RUFY2: variants seen among roughly 807,000 people sequenced by gnomAD.
RUFY2 encodes the protein RUN and FYVE domain-containing protein 2.
RUFY2 carries 49 observed loss-of-function variants against 94.4 expected under a neutral mutation model. That is an observed-to-expected ratio of 0.52 (90% CI 0.41 to 0.66). RUFY2 has a LOEUF of 0.66. Among genes scored for constraint, RUFY2 ranks in the 30% least tolerant of loss-of-function variants. The pLI is 0.00. For synonymous variants in RUFY2, 255 were observed against 235.7 expected, an observed-to-expected ratio of 1.08 and a Z score of -0.75; for missense variants, 541 against 692.8, an observed-to-expected ratio of 0.78 and a Z score of 2.46.
rs1191638797 is a variant in RUFY2, at chr10:68,344,001, CATTTTTTGTTT to C, written c.*1756_*1766del. The C allele has an allele frequency of 6.6e-6, 1 of 152,020 alleles. No individual in the cohort carries two copies. Among genetic ancestry groups the C allele is most frequent in the Non-Finnish European group, 1.5e-5 (1 of 67,964 alleles). The allele number at this position is 152,020 out of a possible 1,614,324, so 9.4% of individuals were successfully genotyped here. A position where few individuals can be genotyped will look rare whatever the true frequency, so the allele number is the denominator to read the frequency against. ...AATAAAAAAGCATATTTGAAAATTT[CATTTTTTGTTT>C]ATTCAGTAATCATAAAAATGTTAGC... is the stretch of plus-strand genomic sequence containing the variant. On this transcript the variant is annotated 3_prime_UTR_variant, in exon 18 of 18. Coordinates refer to ENST00000602465, the MANE Select transcript of RUFY2 (RefSeq NM_001330103.2).
At chr10:68,387,636 G>A (rs1035144292) in intron 7 of RUFY2, among the ~76,000 whole-genome samples, 14 of 152,224 alleles carry the variant, frequency 9.2e-5, no homozygotes, top group Middle Eastern at 3.4e-3. Context: ...TGATGGTAAC[G>A]ACAGACAAAC....
intron 13 of RUFY2, among the ~76,000 whole-genome samples, chr10:68,374,627 C>G (rs909085130): frequency 6.6e-5 from 10 of 152,058 alleles, no homozygotes; most frequent in African/African-American, 2.2e-4. Context: ...AGAAAATCAC[C>G]AAGGACAGAG....
Position 68,364,015 on chromosome 10 carries a change from T to C in RUFY2, c.1424A>G (p.Asn475Ser). The C allele has an allele frequency of 6.2e-7, 1 of 1,607,734 alleles. No homozygotes were observed. Among genetic ancestry groups the C allele is most frequent in the Non-Finnish European group, 8.5e-7 (1 of 1,174,808 alleles). ...AAGACTAATGATTTGTTGAGTCTCA[T>C]TTCTAAGATGAGATAAGGCATCTTT... Reference protein sequence around the residue: ...KEKDALSHLRNETQQIISLKK... With the variant: ...KEKDALSHLRSETQQIISLKK... Residue 475 changes from asparagine (N) to serine (S), a missense_variant, in exon 14 of 18, where the codon AAT becomes AGT. Around this residue, in one of 3 missense-constraint regions of RUFY2, gnomAD observed 403 missense variants for 480.7 expected, o/e 0.84. Coordinates refer to ENST00000602465, the MANE Select transcript of RUFY2 (RefSeq NM_001330103.2).
chr10:68,358,904 C>T (rs569382160), intron 15 of RUFY2, among the ~76,000 whole-genome samples: 5 of 152,040 alleles, frequency 3.3e-5, no homozygotes, highest in East Asian at 1.9e-4. Flanking sequence ...GAGCAACACT[C>T]GGTCTTATGC....
intron 1 of RUFY2, among the ~76,000 whole-genome samples, chr10:68,406,469 A>G (rs1032770971): frequency 6.6e-6 from 1 of 152,198 alleles, no homozygotes; most frequent in Non-Finnish European, 1.5e-5. Flanking sequence ...CGACAACCAC[A>G]CAAAGGGTGT....
rs1347518711 is a variant in RUFY2 at position 68,351,126 on chromosome 10, T to A, written c.1599+4227A>T. 1.2e-3 allele frequency among the ~76,000 whole-genome samples: 127 copies of A among 102,226 alleles called. 1 individual carries two copies. The highest frequency in any genetic ancestry group is 3.7e-3 in the East Asian group (12 of 3,206). The allele number at this position is 102,226 out of a possible 152,430, so 67.1% of individuals were successfully genotyped here. On this transcript the variant is annotated intron_variant, in intron 16 of 17. Transcript: ENST00000602465. ...CAAATATCCATGTATCCATACATTTTTTTTTTTTTTTTTTTTTTTTTTTGA... is the reference window on the plus strand; with the variant it reads ...CAAATATCCATGTATCCATACATTTATTTTTTTTTTTTTTTTTTTTTTTGA...
intron 4 of RUFY2, among the ~76,000 whole-genome samples, chr10:68,396,126 G>T (rs933167445): frequency 2.6e-5 from 4 of 152,190 alleles, no homozygotes; most frequent in Admixed American, 2.6e-4. Context: ...AGCCTCCCAA[G>T]TAGCTGAGAT....
At chr10:68,341,204 C>T (rs1436176148), downstream of RUFY2, 1 of 1,588,090 alleles carries the variant, frequency 6.3e-7, no homozygotes, top group East Asian at 2.3e-5. Flanking sequence ...AATACGAGTT[C>T]ATATTGATAT....
chr10:68,405,016 T>C (rs2051157533), intron 1 of RUFY2, among the ~76,000 whole-genome samples, 172 bp from the exon 2 acceptor site: 1 of 152,054 alleles, frequency 6.6e-6, no homozygotes. Flanking sequence ...CTCTCACATA[T>C]ACTGTAAAAA....
At chr10:68,343,328 C>T (rs1028410418), downstream of RUFY2, 3 of 152,372 alleles carry the variant, frequency 2.0e-5, no homozygotes, top group African/African-American at 7.2e-5. Context: ...AGCCTCTTGA[C>T]TGAAGCTATG....
intron 7 of RUFY2, among the ~76,000 whole-genome samples, chr10:68,388,498 A>G (rs2049702307): frequency 6.6e-6 from 1 of 152,116 alleles, no homozygotes; most frequent in African/African-American, 2.4e-5. Context: ...TATGTTTTCT[A>G]TATTTTGAAA....
intron 16 of RUFY2, among the ~76,000 whole-genome samples, chr10:68,351,859 C>T (rs2046700295): frequency 6.6e-6 from 1 of 151,322 alleles, no homozygotes; most frequent in South Asian, 2.1e-4. Flanking sequence ...GAGTTCGAGA[C>T]CAGCTTTGCT....
intron 7 of RUFY2, among the ~76,000 whole-genome samples, chr10:68,389,129 G>A (rs909221651): frequency 2.6e-5 from 4 of 152,024 alleles, no homozygotes; most frequent in African/African-American, 4.8e-5. Flanking sequence ...TCAGACTGCT[G>A]AGCTCAAGTG....
At chr10:68,358,431 T>C (rs539373674) in intron 15 of RUFY2, among the ~76,000 whole-genome samples, 98 of 152,312 alleles carry the variant, frequency 6.4e-4, no homozygotes, top group African/African-American at 2.2e-3. Flanking sequence ...AAATAATCAA[T>C]GTAAAACTAC....
chr10:68,385,125 G>C (rs1003731732), intron 8 of RUFY2, among the ~76,000 whole-genome samples: 4 of 152,086 alleles, frequency 2.6e-5, no homozygotes, highest in African/African-American at 9.7e-5. Flanking sequence ...TTAGCCGGGC[G>C]TGGTGGTGCG....
In RUFY2 at chr10:68,389,516, G is replaced by A. The variant is rs1264677658; in HGVS notation, c.651-3388C>T. 2.0e-5 allele frequency among the ~76,000 whole-genome samples: 3 copies of A among 151,232 alleles called. No individual in the cohort carries two copies. The East Asian group carries it at 5.9e-4, about 30-fold the overall frequency. On this transcript the variant is annotated intron_variant, in intron 7 of 17. Transcript: ENST00000602465. ...GAGGCAGGAGAATCACTTGAAACTG[G>A]AAGGCGGAGGTTGCAGTGAGCCGAG...
intron 3 of RUFY2, among the ~76,000 whole-genome samples, chr10:68,400,545 A>AGG (rs2050746984): frequency 6.6e-6 from 1 of 151,090 alleles, no homozygotes; most frequent in Non-Finnish European, 1.5e-5. Flanking sequence ...GCATGGTGGC[A>AGG]TGCACCTGTA....
intron 6 of RUFY2, 101 bp downstream of exon 6, chr10:68,393,974 A>G: frequency 7.0e-7 from 1 of 1,425,566 alleles, no homozygotes; most frequent in South Asian, 1.3e-5. Flanking sequence ...AGGGGGGAAA[A>G]CAACAAAATA....
At chr10:68,375,468 G>T (rs889436704) in intron 13 of RUFY2, among the ~76,000 whole-genome samples, 7 of 151,090 alleles carry the variant, frequency 4.6e-5, no homozygotes, top group African/African-American at 1.7e-4. Context: ...TAAAATAAAA[G>T]TTAAAAAAAA....
Sources: allele counts gnomAD v4.1 joint callset (sites outside exome capture counted in the v4.1 genomes callset), GRCh38; gene constraint gnomAD v4.1.1; regional missense constraint gnomAD v4.1.1; transcripts MANE v1.5; gene names NCBI Gene and HGNC (gene_info 2026-07-23, HGNC 2026-07-21).